Variants in SSPN observed in about 807,000 individuals in gnomAD.
The protein encoded by SSPN is K-ras oncogene-associated protein.
SSPN carries 15 observed loss-of-function variants against 19.1 expected under a neutral mutation model. The ratio of observed to expected loss-of-function variants is 0.78; its 90% confidence interval spans 0.52 to 1.21. The LOEUF is 1.21. SSPN is among the 50% of genes most tolerant of loss of function. The probability of loss-of-function intolerance (pLI) is 0.00; values close to 1 mark genes in which losing one functional copy is unlikely to be tolerated. For missense variants in SSPN, 291 were observed against 314.0 expected, an observed-to-expected ratio of 0.93 and a Z score of 0.55; for synonymous variants, 147 against 140.3, an observed-to-expected ratio of 1.05 and a Z score of -0.34.
rs575863596 is a variant in SSPN, at chr12:26,128,815, G to T, written c.-31+6663G>T. Among the ~76,000 whole-genome samples, 18 of 152,222 alleles carry T rather than the reference G, an allele frequency of 1.2e-4. No individual in the cohort carries two copies. The South Asian group carries it at 3.3e-3, about 28-fold the overall frequency. On this transcript the variant is annotated intron_variant, in intron 1 of 2. Transcript: ENST00000538142. ...TCCTTTTAATAGGCGAGGGGTAGCTGCTTCCATTGCTTTTCTTTGGTTAAG... is the reference window on the plus strand; with the variant it reads ...TCCTTTTAATAGGCGAGGGGTAGCTTCTTCCATTGCTTTTCTTTGGTTAAG...
intron 1 of SSPN, among the ~76,000 whole-genome samples, chr12:26,148,484 G>A (rs1216490136): frequency 6.6e-6 from 1 of 152,174 alleles, no homozygotes; most frequent in Non-Finnish European, 1.5e-5. Context: ...GATAAAGAAC[G>A]GGCCAACATG....
intron 1 of SSPN, chr12:26,124,252 T>TGGGGGGGGCG: frequency 1.1e-6 from 1 of 879,458 alleles, no homozygotes. Flanking sequence ...TACCCTCGTC[T>TGGGGGGGGCG]GCCCCCCCCG....
intron 2 of SSPN, among the ~76,000 whole-genome samples, chr12:26,225,382 TATA>T (rs1945166452): frequency 6.6e-6 from 1 of 152,146 alleles, no homozygotes; most frequent in South Asian, 2.1e-4. Context: ...ACATTTACAT[TATA>T]ATAACTAATT....
In SSPN at chr12:26,123,212, G is replaced by A. The variant is rs1445400730; in HGVS notation, c.-31+1060G>A. ...GGGGGTGGGGGACGGAGGAGTGGAGGCAAGAAGAAACATACCCACGTTAAA... is the reference window on the plus strand; with the variant it reads ...GGGGGTGGGGGACGGAGGAGTGGAGACAAGAAGAAACATACCCACGTTAAA... On this transcript the variant is annotated intron_variant, in intron 1 of 2. Coordinates refer to the SSPN transcript ENST00000538142. 3.3e-6 allele frequency: 5 copies of A among 1,532,216 alleles called. No individual in the cohort carries two copies. The South Asian group carries it at 5.1e-5, about 16-fold the overall frequency. 94.9% of individuals were successfully genotyped at this position (1,532,216 alleles called of 1,614,324 possible).
At chr12:26,132,087 T>C (rs905691601) in intron 1 of SSPN, among the ~76,000 whole-genome samples, 10 of 152,150 alleles carry the variant, frequency 6.6e-5, no homozygotes, top group Non-Finnish European at 7.3e-5. Flanking sequence ...ATGAGGAAGA[T>C]GGTAGGAGGG....
chr12:26,151,913 T>C (rs140440996), intron 1 of SSPN, among the ~76,000 whole-genome samples: 1 of 152,342 alleles, frequency 6.6e-6, no homozygotes, highest in African/African-American at 2.4e-5. Flanking sequence ...ATTTAACCAT[T>C]GCTTTTGGAT....
intron 1 of SSPN, among the ~76,000 whole-genome samples, chr12:26,183,634 A>C (rs1944733821): frequency 6.6e-6 from 1 of 152,232 alleles, no homozygotes; most frequent in African/African-American, 2.4e-5. Flanking sequence ...CCAATTTTAG[A>C]AATTAGGGAA....
At chr12:26,185,065 G>A (rs1170186317) in intron 1 of SSPN, among the ~76,000 whole-genome samples, 1 of 152,140 alleles carries the variant, frequency 6.6e-6, no homozygotes, top group Non-Finnish European at 1.5e-5. Flanking sequence ...TTAAAATATG[G>A]ATTGCTTAGG....
intron 1 of SSPN, among the ~76,000 whole-genome samples, chr12:26,127,062 G>T (rs1163398008): frequency 6.6e-6 from 1 of 152,048 alleles, no homozygotes; most frequent in Non-Finnish European, 1.5e-5. Context: ...TGGGAATGCC[G>T]TTAGGTGAAT....
intron 1 of SSPN, among the ~76,000 whole-genome samples, chr12:26,181,982 A>G (rs1239886162): frequency 2.6e-5 from 4 of 152,150 alleles, no homozygotes; most frequent in African/African-American, 9.7e-5. Flanking sequence ...TCTGTGTGAC[A>G]CGTTATTTTG....
At position 26,146,265 on chromosome 12, in the gene SSPN, C is replaced by T. The variant is rs560897390; in HGVS notation, c.-31+24113C>T. 5.3e-5 allele frequency among the ~76,000 whole-genome samples: 8 copies of T among 152,290 alleles called. 1 individual carries two copies. The South Asian group carries it at 1.7e-3, about 32-fold the overall frequency. On this transcript the variant is annotated intron_variant, in intron 1 of 2. Coordinates refer to the SSPN transcript ENST00000538142. Reference sequence around the variant, plus strand: ...ATGGCCTGAGATGGGATGGATTCATCATCACTTTCCAAGTTATGTGCAGAT... The same window carrying T: ...ATGGCCTGAGATGGGATGGATTCATTATCACTTTCCAAGTTATGTGCAGAT...
chr12:26,203,141 C>G (rs937980501), intron 1 of SSPN, among the ~76,000 whole-genome samples: 1 of 152,134 alleles, frequency 6.6e-6, no homozygotes, highest in African/African-American at 2.4e-5. Context: ...CCAGGTTTCC[C>G]CCTCAACACA....
chr12:26,168,417 A>G (rs1169984623), intron 1 of SSPN, among the ~76,000 whole-genome samples: 1 of 152,156 alleles, frequency 6.6e-6, no homozygotes, highest in Non-Finnish European at 1.5e-5. Flanking sequence ...GTTGCAAGGC[A>G]GGGATAACCC....
chr12:26,211,572 A>G (rs1944986431), intron 1 of SSPN: 1 of 152,214 alleles, frequency 6.6e-6, no homozygotes, highest in Non-Finnish European at 1.5e-5. Flanking sequence ...AAAGCACACT[A>G]TATCCATAAG....
At chr12:26,137,636 G>GTGTA (rs1555175653) in intron 1 of SSPN, among the ~76,000 whole-genome samples, 14 of 31,380 alleles carry the variant, frequency 4.5e-4, no homozygotes, top group South Asian at 2.3e-3. Flanking sequence ...GTGTGTGTAT[G>GTGTA]TATATATATA....
intron 1 of SSPN, among the ~76,000 whole-genome samples, chr12:26,140,644 A>T (rs1346696848): frequency 3.3e-5 from 5 of 152,104 alleles, no homozygotes; most frequent in African/African-American, 1.2e-4. Context: ...CTGGCTGTTT[A>T]AAATTGTGTA....
At chr12:26,146,772 G>C (rs1170553159) in intron 1 of SSPN, among the ~76,000 whole-genome samples, 1 of 138,968 alleles carries the variant, frequency 7.2e-6, no homozygotes, top group Non-Finnish European at 1.5e-5. Context: ...GCAGTTAGCC[G>C]AGATGGGCCA....
At chr12:26,150,655 A>G (rs1266112129) in intron 1 of SSPN, among the ~76,000 whole-genome samples, 3 of 152,238 alleles carry the variant, frequency 2.0e-5, no homozygotes, top group Admixed American at 2.0e-4. Context: ...ACTTACTAAA[A>G]AATATTTTAA....
At chr12:26,200,925 A>G (rs1315836987) in intron 1 of SSPN, among the ~76,000 whole-genome samples, 2 of 149,526 alleles carry the variant, frequency 1.3e-5, no homozygotes, top group Non-Finnish European at 3.0e-5. Flanking sequence ...ATGACAGGAA[A>G]ATTATTGTAT....
Sources: allele counts gnomAD v4.1 joint callset (sites outside exome capture counted in the v4.1 genomes callset), GRCh38; gene constraint gnomAD v4.1.1; transcripts MANE v1.5; gene names NCBI Gene and HGNC (gene_info 2026-07-23, HGNC 2026-07-21).